The following COBLL1 variants were observed in gnomAD, a reference collection of about 807,000 sequenced individuals.
COBLL1 encodes the protein cordon-bleu WH2 repeat protein like 1.
In COBLL1, 50 loss-of-function variants were observed where a neutral mutation model predicts 94.8. The observed-to-expected ratio is 0.53, with a 90% CI of 0.42 to 0.67. COBLL1 has a LOEUF of 0.67. COBLL1 is among the 30% of genes least tolerant of loss of function. The pLI, the probability that COBLL1 is intolerant of heterozygous loss-of-function variation, is 0.00. For missense variants in COBLL1, 1,362 were observed against 1,348.7 expected (o/e 1.01, Z -0.15); for synonymous variants, 448 against 473.8 (o/e 0.95, Z 0.71).
intron 2 of COBLL1, among the ~76,000 whole-genome samples, chr2:164,747,002 T>C (rs10178921): frequency 0.11 from 16,206 of 152,152 alleles, 907 homozygotes; most frequent in Middle Eastern, 0.16. Flanking sequence ...TGTCCACACA[T>C]TTGCAAATAC....
chr2:164,743,478 T>C, intron 3 of COBLL1: 3 of 438,260 alleles, frequency 6.8e-6, no homozygotes, highest in Non-Finnish European at 1.2e-5. Flanking sequence ...AGTCATTTAA[T>C]TGGGTTTGTG....
At chr2:164,672,568 G>C (rs970383421) in intron 1 of COBLL1, among the ~76,000 whole-genome samples, 1 of 151,470 alleles carries the variant, frequency 6.6e-6, no homozygotes, top group Admixed American at 6.6e-5. Flanking sequence ...GCGCGGTGGC[G>C]GGCGCCTGTA....
At chr2:164,671,232 T>A (rs943337375) in intron 1 of COBLL1, among the ~76,000 whole-genome samples, 7 of 152,162 alleles carry the variant, frequency 4.6e-5, no homozygotes, top group Admixed American at 6.5e-5. Context: ...ATTAGAATAC[T>A]ATAACAAAAA....
In COBLL1 at chr2:164,681,405, C is replaced by T. The variant is rs188490203; in HGVS notation, c.*4541G>A. On this transcript the variant is annotated 3_prime_UTR_variant, in exon 14 of 14. Transcript: ENST00000652658. ...TGAAAGCAAGCAGAAACACATGAAC[C>T]TTTGAGGGCTGGTCTTAGAACTGGC... is the stretch of plus-strand genomic sequence containing the variant. The T allele has an allele frequency of 6.6e-6, 1 of 152,254 alleles. No homozygotes were observed. The highest frequency in any genetic ancestry group is 1.9e-4 in the East Asian group (1 of 5,166). The allele number at this position is 152,254 out of a possible 1,614,324, so 9.4% of individuals were successfully genotyped here. A position where few individuals can be genotyped will look rare whatever the true frequency, so the allele number is the denominator to read the frequency against.
chr2:164,837,265 G>A (rs745972426), intron 2 of COBLL1, among the ~76,000 whole-genome samples: 35 of 151,544 alleles, frequency 2.3e-4, no homozygotes, highest in Non-Finnish European at 4.6e-4. Context: ...AGCATATCTG[G>A]GCAAGTAAAG....
In COBLL1 at chr2:164,841,093, G is replaced by T. The variant is rs1401046170; in HGVS notation, c.41+63C>A. 12 of 1,225,060 alleles carry T rather than the reference G, an allele frequency of 9.8e-6. No homozygotes were observed. The highest frequency in any genetic ancestry group is 1.1e-5 in the Non-Finnish European group (11 of 982,756). 75.9% of individuals were successfully genotyped at this position (1,225,060 alleles called of 1,614,324 possible). On this transcript the variant is annotated intron_variant, in intron 2 of 13. Coordinates refer to ENST00000652658, the MANE Select transcript of COBLL1 (RefSeq NM_001365672.2). The surrounding 1 kb of genome is among the most constrained non-coding windows in gnomAD (Gnocchi z 5.5). ...TTGCCAGCCAGGTGAAACGGCCGAG[G>T]CCTCGCTGTCCTCGCCGGCCTCGCC... is the stretch of plus-strand genomic sequence containing the variant.
At chr2:164,658,214 C>A (rs992858828) in intron 2 of COBLL1, among the ~76,000 whole-genome samples, 1 of 152,088 alleles carries the variant, frequency 6.6e-6, no homozygotes, top group Non-Finnish European at 1.5e-5. Context: ...GATTCTTAGT[C>A]GGCCTAGGAA....
chr2:164,703,349 G>T, intron 9 of COBLL1: 1 of 616,880 alleles, frequency 1.6e-6, no homozygotes, highest in Non-Finnish European at 2.8e-6. Flanking sequence ...AATAAGAAGA[G>T]GTAAAAGGAA....
chr2:164,695,534 G>C lies in COBLL1; in HGVS notation c.1858C>G (p.His620Asp). ...CNSFDGKHQD[H>D]NLSDSKVEEC... is the part of the protein sequence containing the mutation. ...TCAACTTTGGAGTCAGATAAATTAT[G>C]ATCTTGGTGTTTCCCATCAAAACTG... Residue 620 changes from histidine to aspartate, a missense_variant, in exon 12 of 14, where the codon CAT becomes GAT. Coordinates refer to ENST00000652658, the MANE Select transcript of COBLL1 (RefSeq NM_001365672.2). The C allele has an allele frequency of 1.2e-6, 2 of 1,613,922 alleles. No individual in the cohort carries two copies. The highest frequency in any genetic ancestry group is 1.7e-6 in the Non-Finnish European group (2 of 1,179,888).
rs573576781 is a variant in COBLL1 at position 164,713,062 on chromosome 2, G to A, written c.997-7957C>T. 1.8e-4 allele frequency among the ~76,000 whole-genome samples: 28 copies of A among 152,136 alleles called. No homozygotes were observed. In the East Asian group the frequency reaches 5.2e-3, roughly 28 times the overall value. On this transcript the variant is annotated intron_variant, in intron 7 of 13. Coordinates refer to ENST00000652658, the MANE Select transcript of COBLL1 (RefSeq NM_001365672.2). ...AAATGTTATCTTTTGGTGGGGTGGG[G>A]GAAGTTTATTTCTGATGTCCTGTAT...
chr2:164,686,420 A>G (rs1683290737), intron 13 of COBLL1, among the ~76,000 whole-genome samples: 1 of 152,182 alleles, frequency 6.6e-6, no homozygotes, highest in African/African-American at 2.4e-5. Flanking sequence ...CCACAAAGCA[A>G]TGAATTTTAC....
intron 2 of COBLL1, among the ~76,000 whole-genome samples, chr2:164,776,713 T>A (rs1440429947): frequency 6.6e-6 from 1 of 152,098 alleles, no homozygotes; most frequent in Non-Finnish European, 1.5e-5. Flanking sequence ...CAAGCAATCA[T>A]CAAGTCTTTG....
At chr2:164,666,345 A>C (rs565425209) in intron 1 of COBLL1, among the ~76,000 whole-genome samples, 2 of 152,204 alleles carry the variant, frequency 1.3e-5, no homozygotes, top group Non-Finnish European at 2.9e-5. Context: ...AACAATGTAC[A>C]TACCTTAAAA....
intron 2 of COBLL1, among the ~76,000 whole-genome samples, chr2:164,769,209 A>C (rs1688082165): frequency 1.3e-5 from 2 of 152,186 alleles, no homozygotes; most frequent in Admixed American, 1.3e-4. Context: ...AGAATTTTTA[A>C]TGTATTTAGT....
chr2:164,701,993 A>C (rs1684301142), intron 9 of COBLL1, among the ~76,000 whole-genome samples: 1 of 152,052 alleles, frequency 6.6e-6, no homozygotes, highest in Non-Finnish European at 1.5e-5. Context: ...TCAATATTTA[A>C]AGTACTTAAA....
chr2:164,769,407 A>G (rs911226273), intron 2 of COBLL1, among the ~76,000 whole-genome samples: 2 of 152,214 alleles, frequency 1.3e-5, no homozygotes, highest in African/African-American at 4.8e-5. Flanking sequence ...CATCTATTGT[A>G]GAGACATTTG....
chr2:164,792,303 A>G (rs1683230703), intron 2 of COBLL1, among the ~76,000 whole-genome samples: 1 of 151,444 alleles, frequency 6.6e-6, no homozygotes, highest in African/African-American at 2.4e-5. Context: ...TAATTTTTTT[A>G]TTTTTTGTAT....
intron 2 of COBLL1, among the ~76,000 whole-genome samples, chr2:164,838,415 G>T (rs1233630084): frequency 6.6e-6 from 1 of 152,168 alleles, no homozygotes; most frequent in African/African-American, 2.4e-5. Flanking sequence ...TAATAAAAGT[G>T]AAGATAAGGA....
intron 1 of COBLL1, among the ~76,000 whole-genome samples, chr2:164,669,104 G>A (rs1308948706): frequency 6.6e-6 from 1 of 152,166 alleles, no homozygotes; most frequent in East Asian, 1.9e-4. Context: ...TGTTCGTCTT[G>A]TGTTTTTAGA....
Sources: allele counts gnomAD v4.1 joint callset (sites outside exome capture counted in the v4.1 genomes callset), GRCh38; gene constraint gnomAD v4.1.1; non-coding constraint Gnocchi (gnomAD v3.1); transcripts MANE v1.5; gene names NCBI Gene and HGNC (gene_info 2026-07-23, HGNC 2026-07-21).